PTPRA: variants seen among roughly 807,000 people sequenced by gnomAD.
PTPRA encodes the protein receptor-type tyrosine-protein phosphatase alpha.
Under a neutral mutation model 104.8 loss-of-function variants are expected in PTPRA, and 25 were observed. The observed-to-expected ratio is 0.24, with a 90% CI of 0.17 to 0.33. The LOEUF (loss-of-function observed/expected upper bound fraction) is 0.33. Ranked by LOEUF, PTPRA falls within the 10% of genes least tolerant of loss-of-function variation. PTPRA has a pLI of 1.00. For synonymous variants in PTPRA, 323 were observed against 368.9 expected, an observed-to-expected ratio of 0.88 and a Z score of 1.43; for missense variants, 765 against 1,015.3, an observed-to-expected ratio of 0.75 and a Z score of 3.35.
intron 5 of PTPRA, among the ~76,000 whole-genome samples, chr20:2,969,572 A>C (rs1461722318): frequency 6.7e-6 from 1 of 149,138 alleles, no homozygotes. Flanking sequence ...ATAAATAAAT[A>C]GGCCGGGCGC....
At chr20:2,891,908 T>A (rs2058807056) in intron 1 of PTPRA, among the ~76,000 whole-genome samples, 1 of 152,226 alleles carries the variant, frequency 6.6e-6, no homozygotes, top group Non-Finnish European at 1.5e-5. Flanking sequence ...TGTAAATAGC[T>A]GTTATACTGT....
chr20:2,907,890 A>G (rs1305175668), intron 1 of PTPRA, among the ~76,000 whole-genome samples: 3 of 151,978 alleles, frequency 2.0e-5, no homozygotes, highest in Non-Finnish European at 4.4e-5. Context: ...TGAAAGGCTA[A>G]TAGTCTTTTT....
At chr20:2,866,731 C>T in the PTPRA span, 16,462 of 1,123,414 alleles carry the variant, frequency 0.015, 596 homozygotes, top group Admixed American at 0.12. Context: ...TGGAACACTT[C>T]ACAGTGCTTG....
intron 2 of PTPRA, 104 bp downstream of exon 2, chr20:2,923,389 G>A: frequency 1.3e-6 from 1 of 784,744 alleles, no homozygotes; most frequent in Non-Finnish European, 1.8e-6. Context: ...TCGTTTCTAA[G>A]CTGTAAGAGT....
intron 3 of PTPRA, among the ~76,000 whole-genome samples, chr20:2,952,555 A>C (rs948945498): frequency 1.3e-5 from 2 of 152,184 alleles, no homozygotes; most frequent in Non-Finnish European, 2.9e-5. Context: ...ATTGTAGTTA[A>C]AATATACACA....
chr20:2,896,294 G>A (rs574176862), intron 1 of PTPRA, among the ~76,000 whole-genome samples: 9 of 152,258 alleles, frequency 5.9e-5, no homozygotes, highest in Admixed American at 1.3e-4. Context: ...CAGGAGAATC[G>A]CTTGAACCCG....
At chr20:2,946,599 C>T (rs1461699767) in intron 2 of PTPRA, among the ~76,000 whole-genome samples, 1 of 152,114 alleles carries the variant, frequency 6.6e-6, no homozygotes, top group Non-Finnish European at 1.5e-5. Context: ...CCTGTAATCC[C>T]AGCACTTTGG....
chr20:2,998,933 T>TTA (rs2063515001), intron 9 of PTPRA, among the ~76,000 whole-genome samples: 1 of 147,950 alleles, frequency 6.8e-6, no homozygotes, highest in African/African-American at 2.5e-5. Context: ...TTATAATTTA[T>TTA]TATATATGAC....
intron 1 of PTPRA, among the ~76,000 whole-genome samples, chr20:2,882,571 G>T (rs2090121874): frequency 6.6e-6 from 1 of 152,066 alleles, no homozygotes; most frequent in Admixed American, 6.5e-5. Context: ...TGGGATTACA[G>T]GCATGAGCCA....
chr20:2,910,401 A>G (rs1266848264), intron 1 of PTPRA, among the ~76,000 whole-genome samples: 2 of 78,848 alleles, frequency 2.5e-5, no homozygotes, highest in East Asian at 4.3e-4. Flanking sequence ...TATATATAAT[A>G]TATTTTGTAT....
Position 2,988,099 on chromosome 20 carries a change from G to T in PTPRA, c.595G>T (p.Asp199Tyr). The T allele has an allele frequency of 6.3e-7, 1 of 1,581,654 alleles. No individual in the cohort carries two copies. Among genetic ancestry groups the T allele is most frequent in the Non-Finnish European group, 8.7e-7 (1 of 1,150,412 alleles). The change falls in exon 8 of 24, where the codon GAT (aspartate) becomes TAT (tyrosine). Residue 199 changes from aspartate (D) to tyrosine (Y), a missense_variant. By Grantham distance (160) the Asp-to-Tyr change is radical. Around this residue, in one of 4 missense-constraint regions of PTPRA, gnomAD observed 256 missense variants for 248.9 expected, o/e 1.03. Transcript: ENST00000399903. Reference protein sequence around the residue: ...SFRLSNGRTEDVEPQSVPLLA... With the variant: ...SFRLSNGRTEYVEPQSVPLLA... ...CCGCTTATCCAACGGCCGCACTGAG[G>T]ATGTGGGTAAGGCATTCCTTAATGT...
Position 3,022,842 on chromosome 20 carries a change from C to A in PTPRA, c.1464+18C>A. ...AAACCGATGTGAGTGATCTGTGGGT[C>A]AGGTGAGGGTGGGGGGTTCCAGGAC... On this transcript the variant is annotated intron_variant, in intron 16 of 23. Transcript: ENST00000399903. The surrounding 1 kb of genome is among the most constrained non-coding windows in gnomAD (Gnocchi z 4.6). 6.2e-7 allele frequency: 1 copy of A among 1,613,996 alleles called. No individual in the cohort carries two copies. Among genetic ancestry groups the A allele is most frequent in the South Asian group, 1.1e-5 (1 of 91,036 alleles).
Position 2,892,432 on chromosome 20 carries a change from T to C in PTPRA, c.-129+18672T>C, listed in dbSNP as rs114407008. On this transcript the variant is annotated intron_variant, in intron 1 of 23. Transcript: ENST00000399903. ...TGATGGTGGGAAAGCTGGTGTGATA[T>C]ACGTATTCAGTAGAAATTGTACTTC... Among the ~76,000 whole-genome samples, 864 of 152,274 alleles carry C rather than the reference T, an allele frequency of 5.7e-3. 8 individuals are homozygous for C. Among genetic ancestry groups the C allele is most frequent in the African/African-American group, 0.019 (795 of 41,568 alleles).
At chr20:2,866,119 T>A in the PTPRA span, 1 of 1,058,928 alleles carries the variant, frequency 9.4e-7, no homozygotes, top group African/African-American at 1.6e-5. Flanking sequence ...AGAATATATA[T>A]GGACGATGTA....
chr20:2,917,243 A>C (rs535695140), intron 1 of PTPRA, among the ~76,000 whole-genome samples: 1 of 152,092 alleles, frequency 6.6e-6, no homozygotes, highest in African/African-American at 2.4e-5. Context: ...CAGACATGAA[A>C]GCTTTTTTAT....
intron 3 of PTPRA, 106 bp from the exon 4 acceptor site, chr20:2,964,166 G>A (rs561594464): frequency 1.1e-6 from 1 of 889,880 alleles, no homozygotes; most frequent in Non-Finnish European, 1.8e-6. Context: ...ATTGGTTTAG[G>A]CACACATTTT....
intron 10 of PTPRA, 79 bp downstream of exon 10, chr20:3,005,225 T>A (rs2148296893): frequency 7.3e-7 from 1 of 1,372,946 alleles, no homozygotes; most frequent in East Asian, 2.3e-5. Context: ...GAAAGAATCT[T>A]GCAATTGGGC....
intron 2 of PTPRA, among the ~76,000 whole-genome samples, chr20:2,924,410 A>C (rs181124642): frequency 1.1e-4 from 16 of 152,354 alleles, no homozygotes; most frequent in Non-Finnish European, 1.9e-4. Context: ...TGTATCAACA[A>C]CAACAAAAAA....
chr20:2,974,681 C>T (rs544592054), intron 5 of PTPRA, among the ~76,000 whole-genome samples: 10 of 152,220 alleles, frequency 6.6e-5, no homozygotes, highest in South Asian at 4.1e-4. Flanking sequence ...CCACTGCACC[C>T]GGCCTCATTT....
Sources: gnomAD v4.1 joint callset for allele counts (sites outside exome capture counted in the v4.1 genomes callset) on GRCh38, gnomAD v4.1.1 for gene constraint, gnomAD v4.1.1 regional missense constraint, Gnocchi (gnomAD v3.1) non-coding constraint, MANE v1.5 for transcripts, NCBI Gene and HGNC (gene_info 2026-07-23, HGNC 2026-07-21) for gene names.